The following CHAF1A variants were observed in gnomAD, a reference collection of about 807,000 sequenced individuals.
CHAF1A encodes the protein chromatin assembly factor 1 subunit A.
In CHAF1A, 5 loss-of-function variants were observed where a neutral mutation model predicts 93.2. The observed-to-expected ratio is 0.05, with a 90% CI of 0.03 to 0.11. CHAF1A has a LOEUF of 0.11. Among genes scored for constraint, CHAF1A ranks in the 10% least tolerant of loss-of-function variants. The pLI is 1.00. For missense variants in CHAF1A, 1,102 were observed against 1,259.9 expected, an observed-to-expected ratio of 0.87 and a Z score of 1.90; for synonymous variants, 504 against 510.3, an observed-to-expected ratio of 0.99 and a Z score of 0.17.
intron 3 of CHAF1A, among the ~76,000 whole-genome samples, chr19:4,411,154 A>G (rs1020670619): frequency 6.6e-6 from 1 of 152,078 alleles, no homozygotes; most frequent in African/African-American, 2.4e-5. Flanking sequence ...CTGTACCTGT[A>G]AGCAGGTACA....
At chr19:4,436,417 G>A (rs773686308) in intron 13 of CHAF1A, among the ~76,000 whole-genome samples, 21 of 152,206 alleles carry the variant, frequency 1.4e-4, no homozygotes, top group African/African-American at 4.1e-4. Context: ...GCGGCTTGGC[G>A]CCGTGGGAAG....
At chr19:4,405,992 G>T in intron 2 of CHAF1A, 30 bp downstream of exon 2, 1 of 1,575,472 alleles carries the variant, frequency 6.3e-7, no homozygotes. Flanking sequence ...TTAAAGAGTT[G>T]TTCGTAGTTT....
At chr19:4,444,811 A>C (rs1330548134), downstream of CHAF1A, 2 of 152,506 alleles carry the variant, frequency 1.3e-5, no homozygotes, top group African/African-American at 2.4e-5. Flanking sequence ...TGGGCACAGC[A>C]CAGCCTCCCC....
At chr19:4,445,722 G>A, downstream of CHAF1A, 1 of 1,533,776 alleles carries the variant, frequency 6.5e-7, no homozygotes, top group Admixed American at 1.8e-5. Context: ...CCCCGGCCTG[G>A]AAGCCATCTC....
intron 13 of CHAF1A, among the ~76,000 whole-genome samples, chr19:4,434,765 T>G (rs191979770): frequency 2.6e-5 from 4 of 152,316 alleles, no homozygotes; most frequent in African/African-American, 9.6e-5. Flanking sequence ...AAGCACTTAC[T>G]GTGCTCCAGG....
At chr19:4,446,759 G>A (rs1974538385), downstream of CHAF1A, 2 of 1,611,742 alleles carry the variant, frequency 1.2e-6, no homozygotes, top group African/African-American at 1.3e-5. Context: ...GTGCAATGGA[G>A]AGACCCCCAA....
At chr19:4,444,440 G>A (rs1249251939), downstream of CHAF1A, 5 of 152,286 alleles carry the variant, frequency 3.3e-5, no homozygotes, top group Non-Finnish European at 7.3e-5. Context: ...TGCCCCGCCA[G>A]GCTAACATCA....
rs1027528969 is a variant in CHAF1A, at chr19:4,402,653, G to A, written c.-110G>A. The A allele has an allele frequency of 2.5e-5, 17 of 675,010 alleles. No individual in the cohort carries two copies. Among genetic ancestry groups the A allele is most frequent in the African/African-American group, 2.5e-4 (13 of 52,218 alleles). The allele number at this position is 675,010 out of a possible 1,614,324, so 41.8% of individuals were successfully genotyped here. On this transcript the variant is annotated 5_prime_UTR_variant, in exon 1 of 15. Coordinates refer to ENST00000301280, the MANE Select transcript of CHAF1A (RefSeq NM_005483.3). ...CGCGGTTCCCGCCAAATACGAGCGCGGCGGCCGCGGCGGCAGCAGCGGCGC... is the reference window on the plus strand; with the variant it reads ...CGCGGTTCCCGCCAAATACGAGCGCAGCGGCCGCGGCGGCAGCAGCGGCGC...
In CHAF1A at chr19:4,418,016, T is replaced by C; in HGVS notation, c.961-4T>C. ...GTTTAAAGATAAACGTCTTCTGTTT[T>C]CAGATAACTAAGAAATTCGTCAAAG... On this transcript the variant is annotated splice_polypyrimidine_tract_variant and splice_region_variant and intron_variant, in intron 3 of 14. Coordinates refer to ENST00000301280, the MANE Select transcript of CHAF1A (RefSeq NM_005483.3). 6.2e-7 allele frequency: 1 copy of C among 1,600,678 alleles called. No individual in the cohort carries two copies. Among genetic ancestry groups the C allele is most frequent in the Non-Finnish European group, 8.5e-7 (1 of 1,172,504 alleles).
chr19:4,446,329 G>GT (rs1316636317), downstream of CHAF1A: 1 of 1,574,344 alleles, frequency 6.4e-7, no homozygotes, highest in Admixed American at 1.8e-5. Context: ...GCAGCGTGTA[G>GT]TTGTACTTGC....
chr19:4,428,606 A>G, intron 7 of CHAF1A, 58 bp from the exon 8 acceptor site: 3 of 1,458,584 alleles, frequency 2.1e-6, no homozygotes, highest in South Asian at 1.1e-5. Flanking sequence ...GTGTGCGTCC[A>G]TGGTGCCTCC....
chr19:4,446,079 G>C, downstream of CHAF1A: 16 of 1,612,652 alleles, frequency 9.9e-6, no homozygotes, highest in Non-Finnish European at 1.3e-5. Flanking sequence ...CCAGGTTCTC[G>C]TCCTCGGACA....
chr19:4,408,827 A>C (rs930717219), intron 2 of CHAF1A, 76 bp from the exon 3 acceptor site: 2 of 1,513,234 alleles, frequency 1.3e-6, no homozygotes, highest in Non-Finnish European at 1.8e-6. Flanking sequence ...TGTCCCAACA[A>C]ATCAGTAATT....
At chr19:4,407,950 GA>G (rs977522247) in intron 2 of CHAF1A, among the ~76,000 whole-genome samples, 1 of 148,684 alleles carries the variant, frequency 6.7e-6, no homozygotes, top group Non-Finnish European at 1.5e-5. Context: ...GTCTCCAAAA[GA>G]AAAAAAAATA....
In CHAF1A at chr19:4,422,114, ATTC is replaced by A. The variant is rs1401955067; in HGVS notation, c.1018-447_1018-445del. ...AACCTCCGTCTCCTGGTTTCAAGCA[ATTC>A]TTCTGCCTCAGCCTCCCCAGTAGCT... On this transcript the variant is annotated intron_variant, in intron 4 of 14. Coordinates refer to ENST00000301280, the MANE Select transcript of CHAF1A (RefSeq NM_005483.3). This position sits in a 1 kb window ranked among gnomAD's most constrained non-coding sequence, Gnocchi z 4.6. 6.6e-6 allele frequency among the ~76,000 whole-genome samples: 1 copy of A among 151,712 alleles called. No homozygotes were observed. Among genetic ancestry groups the A allele is most frequent in the Admixed American group, 6.6e-5 (1 of 15,224 alleles).
In CHAF1A at chr19:4,422,201, A is replaced by G. The variant is rs1974002204; in HGVS notation, c.1018-365A>G. ...TTTTTTAAAAATATTTTTAGTAGAGATGGGGTTTCACCATCTTGGCCAGGC... is the reference window on the plus strand; with the variant it reads ...TTTTTTAAAAATATTTTTAGTAGAGGTGGGGTTTCACCATCTTGGCCAGGC... On this transcript the variant is annotated intron_variant, in intron 4 of 14. Transcript: ENST00000301280. This position sits in a 1 kb window ranked among gnomAD's most constrained non-coding sequence, Gnocchi z 4.6. 6.6e-6 allele frequency among the ~76,000 whole-genome samples: 1 copy of G among 151,844 alleles called. No homozygotes were observed. Among genetic ancestry groups the G allele is most frequent in the Admixed American group, 6.6e-5 (1 of 15,244 alleles).
downstream of CHAF1A, chr19:4,448,608 G>A (rs1050795431): frequency 1.7e-5 from 10 of 600,550 alleles, no homozygotes; most frequent in East Asian, 5.5e-5. Flanking sequence ...GGGCAGAGGC[G>A]ACGCAGCCAA....
chr19:4,429,381 G>A, intron 8 of CHAF1A, 57 bp from the exon 9 acceptor site: 19 of 1,576,672 alleles, frequency 1.2e-5, no homozygotes, highest in Non-Finnish European at 1.5e-5. Flanking sequence ...TTCCTGGGAG[G>A]TTTGTGAGCA....
At chr19:4,445,211 T>C (rs1974479709), downstream of CHAF1A, 5 of 397,990 alleles carry the variant, frequency 1.3e-5, no homozygotes, top group South Asian at 9.8e-5. Flanking sequence ...CACGTGTGTC[T>C]GTCCGGCAGC....
Sources: gnomAD v4.1 joint callset for allele counts (sites outside exome capture counted in the v4.1 genomes callset) on GRCh38, gnomAD v4.1.1 for gene constraint, Gnocchi (gnomAD v3.1) non-coding constraint, MANE v1.5 for transcripts, NCBI Gene and HGNC (gene_info 2026-07-23, HGNC 2026-07-21) for gene names.